Variants in SLC8A1 observed in about 807,000 individuals in gnomAD.
SLC8A1 encodes solute carrier family 8 member A1, also known as sodium/calcium exchanger 1.
A neutral mutation model predicts 68.3 loss-of-function variants in SLC8A1; 18 were observed. The ratio of observed to expected loss-of-function variants is 0.26; its 90% CI spans 0.18 to 0.39. SLC8A1 has a LOEUF of 0.39. SLC8A1 is among the 10% of genes least tolerant of loss of function. The probability of loss-of-function intolerance (pLI) is 1.00; values close to 1 mark genes in which losing one functional copy is unlikely to be tolerated. For synonymous variants in SLC8A1, 475 were observed against 415.5 expected (o/e 1.14, Z -1.74); for missense variants, 985 against 1,156.7 (o/e 0.85, Z 2.15).
At chr2:40,174,833 G>C in exon 4 of SLC8A1, 1 of 1,609,414 alleles carries the variant, frequency 6.2e-7, no homozygotes, top group Non-Finnish European at 8.5e-7. Flanking sequence ...ACCTGTTATT[G>C]TGAAGCCACC....
chr2:40,220,546 G>C (rs1434624038), intron 2 of SLC8A1, among the ~76,000 whole-genome samples: 2 of 152,122 alleles, frequency 1.3e-5, no homozygotes, highest in African/African-American at 4.8e-5. Context: ...CAGTTTTTCT[G>C]TTTTATTTTC....
At chr2:40,369,160 T>C (rs1057012629) in intron 2 of SLC8A1, among the ~76,000 whole-genome samples, 5 of 151,970 alleles carry the variant, frequency 3.3e-5, no homozygotes, top group Admixed American at 2.0e-4. Context: ...GCCAAAAGAA[T>C]TGCAACAAAA....
chr2:40,454,480 CTTT>C (rs543088073), upstream of SLC8A1, among the ~76,000 whole-genome samples: 11 of 119,492 alleles, frequency 9.2e-5, no homozygotes, highest in Admixed American at 2.6e-4. Flanking sequence ...TGTCTTAAGA[CTTT>C]TTTTTTTTTT....
At chr2:40,132,164 G>C (rs529329518) in intron 7 of SLC8A1, among the ~76,000 whole-genome samples, 1 of 151,840 alleles carries the variant, frequency 6.6e-6, no homozygotes, top group South Asian at 2.1e-4. Context: ...ACGTTTGTGA[G>C]GCATATGGAA....
intron 7 of SLC8A1, among the ~76,000 whole-genome samples, chr2:40,119,833 C>T (rs1041572006): frequency 6.6e-6 from 1 of 152,090 alleles, no homozygotes; most frequent in East Asian, 1.9e-4. Context: ...GACTTTTAGT[C>T]CTGGCTCCTT....
chr2:40,337,358 C>T (rs1351131250), intron 2 of SLC8A1: 2 of 340,616 alleles, frequency 5.9e-6, no homozygotes, highest in Non-Finnish European at 1.3e-5. Flanking sequence ...CAAGACAGCT[C>T]AGTCGTACAG....
chr2:40,325,608 G>A (rs1325841609), intron 2 of SLC8A1, among the ~76,000 whole-genome samples: 1 of 151,732 alleles, frequency 6.6e-6, no homozygotes, highest in Non-Finnish European at 1.5e-5. Context: ...CTTAAAACCT[G>A]AATCAATATA....
chr2:40,175,235 G>T (rs756937371), intron 3 of SLC8A1, 26 bp downstream of exon 4: 4 of 1,609,706 alleles, frequency 2.5e-6, no homozygotes, highest in Non-Finnish European at 3.4e-6. Flanking sequence ...AAAATGGAAA[G>T]GAAATGCAAG....
intron 2 of SLC8A1, among the ~76,000 whole-genome samples, chr2:40,420,447 C>T (rs941209289): frequency 2.0e-5 from 3 of 151,210 alleles, no homozygotes; most frequent in Non-Finnish European, 2.9e-5. Context: ...AAGTTAAATG[C>T]TACAGCGCCA....
intron 2 of SLC8A1, among the ~76,000 whole-genome samples, chr2:40,197,685 C>A (rs1456767950): frequency 1.6e-5 from 2 of 121,464 alleles, no homozygotes; most frequent in Non-Finnish European, 3.8e-5. Flanking sequence ...TGAGAGGAAA[C>A]TGACTGGTTA....
At chr2:40,448,880 G>A (rs1701924997) in intron 1 of SLC8A1, among the ~76,000 whole-genome samples, 1 of 152,152 alleles carries the variant, frequency 6.6e-6, no homozygotes, top group Non-Finnish European at 1.5e-5. Context: ...ATAATAGCAT[G>A]TTGATTCCTA....
intron 2 of SLC8A1, among the ~76,000 whole-genome samples, chr2:40,318,129 G>A (rs2074716715): frequency 6.6e-6 from 1 of 152,026 alleles, no homozygotes. Flanking sequence ...TCTTAAGCAG[G>A]CAAAGTCAAC....
At chr2:40,139,758 C>T (rs542444735) in intron 6 of SLC8A1, 82 bp from the exon 10 acceptor site, 136 of 1,454,754 alleles carry the variant, frequency 9.3e-5, no homozygotes, top group Middle Eastern at 7.5e-4. Flanking sequence ...CTATCTAGGT[C>T]GGTCATCCCT....
At chr2:40,181,898 G>T (rs543798321) in intron 2 of SLC8A1, among the ~76,000 whole-genome samples, 77 of 152,316 alleles carry the variant, frequency 5.1e-4, no homozygotes, top group African/African-American at 1.7e-3. Context: ...TCCTTCACAG[G>T]GGATAGTATG....
intron 2 of SLC8A1, among the ~76,000 whole-genome samples, chr2:40,210,290 G>C (rs1486719129): frequency 6.6e-6 from 1 of 152,146 alleles, no homozygotes; most frequent in African/African-American, 2.4e-5. Context: ...TGAAACAAGA[G>C]CTTTATTAAC....
At chr2:40,199,121 C>T (rs997187618) in intron 2 of SLC8A1, among the ~76,000 whole-genome samples, 7 of 151,660 alleles carry the variant, frequency 4.6e-5, no homozygotes, top group African/African-American at 1.7e-4. Flanking sequence ...AATCTGATCC[C>T]ATTTCAAAGT....
chr2:40,269,694 A>G (rs936431297), intron 2 of SLC8A1, among the ~76,000 whole-genome samples: 2 of 152,166 alleles, frequency 1.3e-5, no homozygotes, highest in African/African-American at 4.8e-5. Context: ...TGAAGTGACC[A>G]CACAGAGGTG....
intron 1 of SLC8A1, among the ~76,000 whole-genome samples, chr2:40,472,772 A>G (rs1007595562): frequency 2.0e-5 from 3 of 152,234 alleles, no homozygotes; most frequent in South Asian, 2.1e-4. Flanking sequence ...TAACATAACC[A>G]ATCAGTGGAA....
At chr2:40,466,975 A>AC (rs1231571121) in intron 1 of SLC8A1, among the ~76,000 whole-genome samples, 1 of 151,038 alleles carries the variant, frequency 6.6e-6, no homozygotes, top group Non-Finnish European at 1.5e-5. Flanking sequence ...AGTTATCTAA[A>AC]AAAAAAAAAA....
Sources: allele counts gnomAD v4.1 joint callset (sites outside exome capture counted in the v4.1 genomes callset), GRCh38; gene constraint gnomAD v4.1.1; transcripts MANE v1.5; gene names NCBI Gene and HGNC (gene_info 2026-07-23, HGNC 2026-07-21).